TLE4: variants seen among roughly 807,000 people sequenced by gnomAD.
TLE4 encodes TLE family member 4, transcriptional corepressor.
TLE4 carries 8 observed loss-of-function variants against 92.8 expected under a neutral mutation model. The observed-to-expected ratio is 0.09, with a 90% confidence interval of 0.05 to 0.16. TLE4 has a LOEUF of 0.16. TLE4 is among the 10% of genes least tolerant of loss of function. The pLI is 1.00. For synonymous variants in TLE4, 371 were observed against 374.1 expected (o/e 0.99, Z 0.10); for missense variants, 675 against 997.6 (o/e 0.68, Z 4.36).
chr9:79,684,762 A>G (rs1163092325), intron 8 of TLE4, among the ~76,000 whole-genome samples: 3 of 152,086 alleles, frequency 2.0e-5, no homozygotes, highest in African/African-American at 4.8e-5. Context: ...TTCTTTTGGC[A>G]CTAGTCCAGA....
intron 8 of TLE4, among the ~76,000 whole-genome samples, chr9:79,661,541 TAGAA>T (rs994233664): frequency 2.6e-5 from 4 of 152,232 alleles, no homozygotes; most frequent in Non-Finnish European, 4.4e-5. Flanking sequence ...GAGAGAGTAA[TAGAA>T]AGGAAGTTTG....
chr9:79,660,517 T>C (rs1179353294), intron 8 of TLE4, among the ~76,000 whole-genome samples: 3 of 152,214 alleles, frequency 2.0e-5, no homozygotes, highest in African/African-American at 4.8e-5. Flanking sequence ...AGATGGTAAT[T>C]TGAAATTAAG....
chr9:79,596,927 G>A (rs1012329638), intron 4 of TLE4, among the ~76,000 whole-genome samples: 1 of 152,086 alleles, frequency 6.6e-6, no homozygotes, highest in East Asian at 1.9e-4. Flanking sequence ...TGTATAGTTC[G>A]TAATATTTGG....
intron 5 of TLE4, among the ~76,000 whole-genome samples, chr9:79,618,714 G>A (rs1317680853): frequency 6.6e-6 from 1 of 152,162 alleles, no homozygotes; most frequent in African/African-American, 2.4e-5. Flanking sequence ...CTCAGAGGCT[G>A]ATGGAGGAGC....
At chr9:79,578,581 A>G (rs937043091) in intron 4 of TLE4, among the ~76,000 whole-genome samples, 1 of 152,124 alleles carries the variant, frequency 6.6e-6, no homozygotes, top group African/African-American at 2.4e-5. Flanking sequence ...TACCCTTTCT[A>G]TGTGGTGCTC....
chr9:79,573,008 C>T (rs930589418), intron 1 of TLE4, among the ~76,000 whole-genome samples, 173 bp downstream of exon 1: 4 of 152,076 alleles, frequency 2.6e-5, no homozygotes, highest in African/African-American at 4.8e-5. Context: ...GGCGCGGTGG[C>T]CCTCGGAGGG....
At position 79,574,865 on chromosome 9, in the gene TLE4, T is replaced by C. The variant is rs1210297436; in HGVS notation, c.144-8T>C. ...CATTGTACTTAGAGTATCTTATGTC[T>C]TGAACAGTCTGAAGCTGGAATGTGA... is the stretch of plus-strand genomic sequence containing the variant. On this transcript the variant is annotated splice_region_variant and splice_polypyrimidine_tract_variant and intron_variant, in intron 2 of 19. Coordinates refer to ENST00000376552, the MANE Select transcript of TLE4 (RefSeq NM_007005.6). 1 of 1,612,204 alleles carries C rather than the reference T, an allele frequency of 6.2e-7. No individual in the cohort carries two copies. The highest frequency in any genetic ancestry group is 8.5e-7 in the Non-Finnish European group (1 of 1,178,626).
At chr9:79,594,660 C>A (rs965870054) in intron 4 of TLE4, among the ~76,000 whole-genome samples, 23 of 152,084 alleles carry the variant, frequency 1.5e-4, no homozygotes. Flanking sequence ...GTTTTCATTT[C>A]TTTCTTCTTC....
At position 79,653,632 on chromosome 9, in the gene TLE4, C is replaced by T. The variant is rs2059344864; in HGVS notation, c.593-427C>T. 2.0e-5 allele frequency among the ~76,000 whole-genome samples: 3 copies of T among 152,168 alleles called. No individual in the cohort carries two copies. The South Asian group carries it at 6.2e-4, about 32-fold the overall frequency. On this transcript the variant is annotated intron_variant, in intron 7 of 19. Coordinates refer to ENST00000376552, the MANE Select transcript of TLE4 (RefSeq NM_007005.6). ...GAAGGGTGTGTTTCATAATTAAAAG[C>T]TCATACCCCTGTTTCAGCATCCTTA...
chr9:79,572,180 G>A lies in TLE4; in HGVS notation c.-611G>A, dbSNP rs2807303. The A allele has an allele frequency of 0.45, 67,807 of 151,668 alleles. 17,758 individuals are homozygous for A. Among genetic ancestry groups the A allele is most frequent in the African/African-American group, 0.73 (30,368 of 41,352 alleles). The allele number at this position is 151,668 out of a possible 1,614,324, so 9.4% of individuals were successfully genotyped here. On this transcript the variant is annotated 5_prime_UTR_variant, in exon 1 of 20. Coordinates refer to ENST00000376552, the MANE Select transcript of TLE4 (RefSeq NM_007005.6). ...AAAGACAAGAAAACAGGAAGGAAGA[G>A]AAATAAGGAAATGAGATGTGGTAAA...
intron 8 of TLE4, among the ~76,000 whole-genome samples, chr9:79,660,652 A>G (rs2060394369): frequency 6.6e-6 from 1 of 152,226 alleles, no homozygotes; most frequent in African/African-American, 2.4e-5. Flanking sequence ...CTATGAATCT[A>G]TGATGCAGTA....
chr9:79,581,340 G>A lies in TLE4; in HGVS notation c.252+5163G>A, dbSNP rs371567905. Among the ~76,000 whole-genome samples, 121 of 152,282 alleles carry A rather than the reference G, an allele frequency of 7.9e-4. No individual in the cohort carries two copies. In the Middle Eastern group the frequency reaches 0.02, roughly 26 times the overall value. ...CACCTGCACGGGAAGCAGATCTGGA[G>A]GATGAAATTTAACCTGTTACAGTGT... On this transcript the variant is annotated intron_variant, in intron 4 of 19. Transcript: ENST00000376552.
intron 6 of TLE4, among the ~76,000 whole-genome samples, chr9:79,635,248 T>C (rs1445419111): frequency 2.6e-5 from 4 of 152,188 alleles, no homozygotes; most frequent in Non-Finnish European, 4.4e-5. Flanking sequence ...TCTTTTTTGC[T>C]GTCTCTGTAT....
intron 4 of TLE4, among the ~76,000 whole-genome samples, chr9:79,602,350 A>G (rs898240389): frequency 5.3e-5 from 8 of 152,262 alleles, no homozygotes; most frequent in African/African-American, 1.9e-4. Flanking sequence ...GGACTTTCAT[A>G]GCTAGAGAAG....
chr9:79,717,512 T>C (rs1343902815), intron 14 of TLE4, among the ~76,000 whole-genome samples: 1 of 152,184 alleles, frequency 6.6e-6, no homozygotes, highest in Non-Finnish European at 1.5e-5. Context: ...CCCGCCACTG[T>C]CTAGTGCCCT....
rs760507917 is a variant in TLE4 at position 79,572,854 on chromosome 9, G to A, written c.45+19G>A. ...ACACCCAGTGAGTGCGGGCGGCGGGGCGCGGGCTCGCCGGGTGCTGGGGGA... is the reference window on the plus strand; with the variant it reads ...ACACCCAGTGAGTGCGGGCGGCGGGACGCGGGCTCGCCGGGTGCTGGGGGA... On this transcript the variant is annotated intron_variant, in intron 1 of 19. Transcript: ENST00000376552. 12 of 1,592,894 alleles carry A rather than the reference G, an allele frequency of 7.5e-6. No homozygotes were observed. Among genetic ancestry groups the A allele is most frequent in the Non-Finnish European group, 1.0e-5 (12 of 1,170,414 alleles).
At chr9:79,687,517 TTAAG>T (rs1227051209) in intron 8 of TLE4, among the ~76,000 whole-genome samples, 4 of 152,244 alleles carry the variant, frequency 2.6e-5, no homozygotes, top group African/African-American at 7.2e-5. Context: ...TTTATAGAAC[TTAAG>T]TAGTTTTTAC....
chr9:79,691,268 G>T (rs1471183192), intron 8 of TLE4, among the ~76,000 whole-genome samples: 25 of 152,118 alleles, frequency 1.6e-4, no homozygotes, highest in Admixed American at 1.6e-3. Flanking sequence ...ACCAAAAGTG[G>T]TAAAAACTCA....
chr9:79,705,358 T>A (rs1461130620), intron 9 of TLE4, among the ~76,000 whole-genome samples: 4 of 152,236 alleles, frequency 2.6e-5, no homozygotes, highest in Admixed American at 2.6e-4. Flanking sequence ...GAAGCTCATT[T>A]TCCTTTAGTG....
Sources: allele counts gnomAD v4.1 joint callset (sites outside exome capture counted in the v4.1 genomes callset), GRCh38; gene constraint gnomAD v4.1.1; transcripts MANE v1.5; gene names NCBI Gene and HGNC (gene_info 2026-07-23, HGNC 2026-07-21).